SLMAP: variants seen among roughly 807,000 people sequenced by gnomAD.
SLMAP encodes sarcolemma associated protein.
A neutral mutation model predicts 128.8 loss-of-function variants in SLMAP; 44 were observed. The ratio of observed to expected loss-of-function variants is 0.34; its 90% confidence interval spans 0.27 to 0.44. The LOEUF (loss-of-function observed/expected upper bound fraction) is 0.44. SLMAP is among the 20% of genes least tolerant of loss of function. The pLI, the probability that SLMAP is intolerant of heterozygous loss-of-function variation, is 1.00. For missense variants in SLMAP, 787 were observed against 985.3 expected, an observed-to-expected ratio of 0.80 and a Z score of 2.69; for synonymous variants, 327 against 348.8, an observed-to-expected ratio of 0.94 and a Z score of 0.70.
chr3:57,781,366 A>T (rs1305296732), intron 2 of SLMAP, among the ~76,000 whole-genome samples: 2 of 152,218 alleles, frequency 1.3e-5, no homozygotes, highest in African/African-American at 4.8e-5. Flanking sequence ...ATGTTACTTC[A>T]TTGAAAAGGC....
At chr3:57,903,992 C>G (rs1224852479) in intron 17 of SLMAP, among the ~76,000 whole-genome samples, 1 of 152,148 alleles carries the variant, frequency 6.6e-6, no homozygotes, top group East Asian at 1.9e-4. Context: ...TCCCACACAA[C>G]CATATAAAAT....
In SLMAP at chr3:57,916,726, T is replaced by A. The variant is rs545897405; in HGVS notation, c.2139-180T>A. On this transcript the variant is annotated intron_variant, in intron 21 of 24. Transcript: ENST00000671191. Reference sequence around the variant, plus strand: ...GATGGGACACACCTTTAAACTTGCATTTTTTTAGTGTTTTGATGGTTTTTG... The same window carrying A: ...GATGGGACACACCTTTAAACTTGCAATTTTTTAGTGTTTTGATGGTTTTTG... Among the ~76,000 whole-genome samples, 4 of 152,268 alleles carry A rather than the reference T, an allele frequency of 2.6e-5. No individual in the cohort carries two copies. The East Asian group carries it at 5.8e-4, about 22-fold the overall frequency.
chr3:57,793,836 G>A (rs984674852), intron 2 of SLMAP, among the ~76,000 whole-genome samples: 1 of 150,880 alleles, frequency 6.6e-6, no homozygotes, highest in African/African-American at 2.4e-5. Context: ...GAGGTGGGAG[G>A]ATCACTTCAG....
chr3:57,872,341 G>A (rs1424922487), intron 14 of SLMAP, among the ~76,000 whole-genome samples: 2 of 152,028 alleles, frequency 1.3e-5, no homozygotes, highest in Admixed American at 6.6e-5. Context: ...GGCTTGGCTG[G>A]GCACAGTGGC....
intron 4 of SLMAP, among the ~76,000 whole-genome samples, chr3:57,844,302 G>T (rs1009179069): frequency 1.3e-5 from 2 of 151,934 alleles, no homozygotes; most frequent in Non-Finnish European, 2.9e-5. Flanking sequence ...ACTGAGACAC[G>T]AGAACAGCTT....
chr3:57,868,033 G>A (rs1022922156), intron 13 of SLMAP, among the ~76,000 whole-genome samples: 3 of 152,116 alleles, frequency 2.0e-5, no homozygotes, highest in South Asian at 2.1e-4. Flanking sequence ...GGCCAAGGTG[G>A]AAGGATTGCT....
In SLMAP at chr3:57,858,084, A is replaced by G; in HGVS notation, c.616-4A>G. The G allele has an allele frequency of 6.5e-7, 1 of 1,542,292 alleles. No individual in the cohort carries two copies. The highest frequency in any genetic ancestry group is 9.0e-7 in the Non-Finnish European group (1 of 1,117,076). Reference sequence around the variant, plus strand: ...TTTACTTACATTTAATTTTTCTTCAATAGGCTTTAATAGATGAAGATAGAC... The same window carrying G: ...TTTACTTACATTTAATTTTTCTTCAGTAGGCTTTAATAGATGAAGATAGAC... On this transcript the variant is annotated splice_polypyrimidine_tract_variant and splice_region_variant and intron_variant, in intron 7 of 24. Coordinates refer to ENST00000671191, the MANE Select transcript of SLMAP (RefSeq NM_001377540.1).
Position 57,831,417 on chromosome 3 carries a change from CT to C in SLMAP, c.237del (p.Phe79LeufsTer2). 1 of 1,568,462 alleles carries C rather than the reference CT, an allele frequency of 6.4e-7. No homozygotes were observed. Among genetic ancestry groups the C allele is most frequent in the Non-Finnish European group, 8.6e-7 (1 of 1,158,294 alleles). The stretch of plus-strand genomic sequence containing the variant: ...CAAGACACTAAAAGTAGTAATGGTA[CT>C]TTTATAAATAGCCAGAGATTGAGTC... ...YLQDTKSSNG[T>X]FINSQRLSRG... On this transcript the variant is annotated frameshift_variant, in exon 3 of 25. Transcript: ENST00000671191. LOFTEE classifies it high-confidence loss of function.
At chr3:57,818,669 T>G (rs1346476237) in intron 2 of SLMAP, among the ~76,000 whole-genome samples, 4 of 152,232 alleles carry the variant, frequency 2.6e-5, no homozygotes, top group African/African-American at 9.6e-5. Context: ...TTAAAACTTC[T>G]GTATATAAGT....
chr3:57,862,202 C>T (rs1238170085), intron 10 of SLMAP, 116 bp downstream of exon 10: 3 of 754,212 alleles, frequency 4.0e-6, no homozygotes, highest in Admixed American at 2.5e-5. Flanking sequence ...CCTGTAATCC[C>T]AGCTTCTCAG....
chr3:57,868,069 C>T (rs1308234659), intron 13 of SLMAP, among the ~76,000 whole-genome samples: 3 of 151,204 alleles, frequency 2.0e-5, no homozygotes, highest in Admixed American at 6.6e-5. Flanking sequence ...AAGACCAGCC[C>T]GAGCAACATA....
intron 21 of SLMAP, among the ~76,000 whole-genome samples, chr3:57,916,636 C>A (rs1199688647): frequency 6.6e-6 from 1 of 152,130 alleles, no homozygotes; most frequent in Non-Finnish European, 1.5e-5. Context: ...CAATTTGATA[C>A]AACAAAATAT....
At chr3:57,889,432 G>A (rs1426567556) in intron 14 of SLMAP, among the ~76,000 whole-genome samples, 1 of 152,172 alleles carries the variant, frequency 6.6e-6, no homozygotes, top group East Asian at 1.9e-4. Flanking sequence ...ACATACAGGA[G>A]TAAATAAGGG....
intron 6 of SLMAP, among the ~76,000 whole-genome samples, chr3:57,852,038 G>C (rs937834630): frequency 2.0e-5 from 3 of 152,090 alleles, no homozygotes; most frequent in African/African-American, 7.2e-5. Context: ...AGCCTCCTGA[G>C]TAGCTGGGAC....
chr3:57,788,347 G>A (rs1576494844), intron 2 of SLMAP, among the ~76,000 whole-genome samples: 1 of 152,192 alleles, frequency 6.6e-6, no homozygotes, highest in East Asian at 1.9e-4. Flanking sequence ...AGCAGTCATG[G>A]TGATAATGTG....
intron 2 of SLMAP, among the ~76,000 whole-genome samples, chr3:57,766,092 G>A (rs1033668543): frequency 1.4e-5 from 2 of 148,066 alleles, no homozygotes; most frequent in African/African-American, 5.0e-5. Flanking sequence ...TCCGCCTCCC[G>A]GGTTCACGCC....
chr3:57,909,256 A>AC, intron 19 of SLMAP, 106 bp downstream of exon 19: 11 of 769,360 alleles, frequency 1.4e-5, no homozygotes, highest in Non-Finnish European at 1.9e-5. Flanking sequence ...CAATCCCAGC[A>AC]TTTGGGAGGC....
At chr3:57,833,513 G>A (rs2093460464) in intron 3 of SLMAP, among the ~76,000 whole-genome samples, 1 of 151,386 alleles carries the variant, frequency 6.6e-6, no homozygotes, top group Non-Finnish European at 1.5e-5. Context: ...CCTGTCTCCC[G>A]GGCTCAAGTG....
intron 2 of SLMAP, among the ~76,000 whole-genome samples, chr3:57,794,021 C>T (rs1204802889): frequency 1.3e-5 from 2 of 151,824 alleles, no homozygotes; most frequent in Non-Finnish European, 2.9e-5. Flanking sequence ...GAGATGTGTT[C>T]GAGTTACTGT....
Sources: allele counts gnomAD v4.1 joint callset (sites outside exome capture counted in the v4.1 genomes callset), GRCh38; gene constraint gnomAD v4.1.1; transcripts MANE v1.5; gene names NCBI Gene and HGNC (gene_info 2026-07-23, HGNC 2026-07-21).